LMO7: variants seen among roughly 807,000 people sequenced by gnomAD.
The protein encoded by LMO7 is LIM domain only protein 7.
Under a neutral mutation model 206.5 loss-of-function variants are expected in LMO7, and 120 were observed. The ratio of observed to expected loss-of-function variants is 0.58; its 90% CI spans 0.50 to 0.68. The LOEUF (loss-of-function observed/expected upper bound fraction) is 0.68. Among genes scored for constraint, LMO7 ranks in the 30% least tolerant of loss-of-function variants. The probability of loss-of-function intolerance (pLI) is 0.00; values close to 1 mark genes in which losing one functional copy is unlikely to be tolerated. For synonymous variants in LMO7, 706 were observed against 681.5 expected (o/e 1.04, Z -0.56); for missense variants, 1,959 against 1,957.9 (o/e 1.00, Z -0.01).
chr13:75,822,443 AT>A (rs1216802818), intron 14 of LMO7, among the ~76,000 whole-genome samples: 2 of 152,126 alleles, frequency 1.3e-5, no homozygotes, highest in Non-Finnish European at 2.9e-5. Flanking sequence ...ACTCAGAAAA[AT>A]ATTATCAAAA....
intron 1 of LMO7, among the ~76,000 whole-genome samples, chr13:75,693,778 C>T (rs1057097854): frequency 6.6e-6 from 1 of 152,148 alleles, no homozygotes; most frequent in Non-Finnish European, 1.5e-5. Context: ...CATGGGTGGC[C>T]TGGCTGAGAG....
At chr13:75,816,714 T>C (rs1740868605) in intron 11 of LMO7, 1 of 153,130 alleles carries the variant, frequency 6.5e-6, no homozygotes, top group Non-Finnish European at 1.5e-5. Context: ...TTGAGAAAAA[T>C]ATCAGGTAAA....
At chr13:75,778,577 C>T (rs1039099945) in intron 4 of LMO7, among the ~76,000 whole-genome samples, 3 of 152,180 alleles carry the variant, frequency 2.0e-5, no homozygotes, top group Admixed American at 6.5e-5. Flanking sequence ...ATGTAAGCAC[C>T]GTAAGGCATA....
intron 2 of LMO7, among the ~76,000 whole-genome samples, chr13:75,630,425 C>A (rs1463037431): frequency 2.6e-5 from 4 of 152,204 alleles, no homozygotes; most frequent in African/African-American, 9.6e-5. Flanking sequence ...GTAATCCCAA[C>A]ACTTTGGTAG....
chr13:75,736,599 A>C (rs2045841755), intron 3 of LMO7, among the ~76,000 whole-genome samples: 1 of 152,198 alleles, frequency 6.6e-6, no homozygotes, highest in Non-Finnish European at 1.5e-5. Flanking sequence ...CCATGATCTC[A>C]AAGAGTTTAC....
rs76840698 is a variant in LMO7 at position 75,790,782 on chromosome 13, T to A, written c.318-4619T>A. On this transcript the variant is annotated intron_variant, in intron 4 of 30. Transcript: ENST00000377534. ...CAGATGTCCATGATGGGCATATAGTTTCTGGCCCTTTGCCAGAAAGCAAAG... is the reference window on the plus strand; with the variant it reads ...CAGATGTCCATGATGGGCATATAGTATCTGGCCCTTTGCCAGAAAGCAAAG... 3.2e-3 allele frequency among the ~76,000 whole-genome samples: 485 copies of A among 152,228 alleles called. 5 individuals are homozygous for A. Among genetic ancestry groups the A allele is most frequent in the African/African-American group, 0.011 (466 of 41,506 alleles).
chr13:75,755,227 C>T (rs1368846464), intron 3 of LMO7, among the ~76,000 whole-genome samples: 1 of 152,116 alleles, frequency 6.6e-6, no homozygotes, highest in Non-Finnish European at 1.5e-5. Flanking sequence ...ATTATTTACT[C>T]ATGAGTCTTC....
chr13:75,815,280 G>C (rs1450259782), intron 11 of LMO7, among the ~76,000 whole-genome samples: 4 of 152,162 alleles, frequency 2.6e-5, no homozygotes, highest in Non-Finnish European at 4.4e-5. Flanking sequence ...GGAGTCACTT[G>C]GATCAGGGTG....
chr13:75,701,838 G>A (rs180970229), intron 1 of LMO7, among the ~76,000 whole-genome samples: 12 of 152,194 alleles, frequency 7.9e-5, no homozygotes, highest in African/African-American at 2.4e-4. Context: ...ATGTGTTTTC[G>A]GTGAACTTAC....
intron 11 of LMO7, chr13:75,816,882 G>C (rs2057057655): frequency 8.3e-6 from 2 of 240,476 alleles, no homozygotes; most frequent in Non-Finnish European, 1.6e-5. Flanking sequence ...TTGGGTTTTT[G>C]TTTGTTTGCT....
upstream of LMO7, among the ~76,000 whole-genome samples, chr13:75,633,248 T>C (rs371811398): frequency 5.9e-5 from 9 of 152,210 alleles, no homozygotes; most frequent in Admixed American, 4.6e-4. Context: ...GGGTTTGGCC[T>C]GATCAGAGTG....
intron 3 of LMO7, among the ~76,000 whole-genome samples, chr13:75,753,422 T>C (rs2047430921): frequency 6.6e-6 from 1 of 152,206 alleles, no homozygotes; most frequent in Non-Finnish European, 1.5e-5. Context: ...TAAATCCCGT[T>C]TGTCTATTCT....
chr13:75,698,123 T>G (rs1262658317), intron 1 of LMO7, among the ~76,000 whole-genome samples: 1 of 152,158 alleles, frequency 6.6e-6, no homozygotes, highest in African/African-American at 2.4e-5. Context: ...CCTGTGGAAT[T>G]ATTTATATAT....
chr13:75,796,366 C>T (rs1443055283), intron 5 of LMO7, among the ~76,000 whole-genome samples: 1 of 152,020 alleles, frequency 6.6e-6, no homozygotes, highest in Non-Finnish European at 1.5e-5. Context: ...ATTTTTTTCC[C>T]TCTTCGTATA....
Position 75,804,502 on chromosome 13 carries a change from C to G in LMO7, c.875C>G (p.Ala292Gly), listed in dbSNP as rs369232866. The G allele has an allele frequency of 7.6e-5, 122 of 1,614,016 alleles. No individual in the cohort carries two copies. The highest frequency in any genetic ancestry group is 2.6e-4 in the South Asian group (24 of 91,080). ...CATGAGGATAACAGAAGAAGTTGGG[C>G]AAGCCCGGTTTATACAGAAGCAGAT... ...DKHEDNRRSW[A>G]SPVYTEADGT... The change falls in exon 8 of 31, where the codon GCA (alanine) becomes GGA (glycine). Residue 292 changes from alanine (A) to glycine (G), a missense_variant. Transcript: ENST00000377534.
At chr13:75,636,901 T>A (rs1051000365) in intron 1 of LMO7, among the ~76,000 whole-genome samples, 175 bp downstream of exon 1, 1 of 152,206 alleles carries the variant, frequency 6.6e-6, no homozygotes, top group Non-Finnish European at 1.5e-5. Flanking sequence ...CTGCCGCTCC[T>A]GCATCTTATG....
intron 27 of LMO7, among the ~76,000 whole-genome samples, chr13:75,849,498 T>TC (rs1432179313): frequency 6.8e-6 from 1 of 146,400 alleles, no homozygotes; most frequent in African/African-American, 2.6e-5. Context: ...TTTTTTTTTT[T>TC]TCTTTTTTTT....
chr13:75,765,385 T>C (rs1193207115), intron 4 of LMO7, among the ~76,000 whole-genome samples: 6 of 151,776 alleles, frequency 4.0e-5, no homozygotes, highest in Admixed American at 3.9e-4. Flanking sequence ...TTTTTTTTTT[T>C]TTAAGCAAGC....
chr13:75,759,270 G>T (rs2047948190), intron 3 of LMO7, among the ~76,000 whole-genome samples: 1 of 152,128 alleles, frequency 6.6e-6, no homozygotes, highest in Admixed American at 6.5e-5. Context: ...AGAATTGGGT[G>T]GGGACACACA....
Sources: allele counts gnomAD v4.1 joint callset (sites outside exome capture counted in the v4.1 genomes callset), GRCh38; gene constraint gnomAD v4.1.1; transcripts MANE v1.5; gene names NCBI Gene and HGNC (gene_info 2026-07-23, HGNC 2026-07-21).